Variants in ATP2B2 observed in about 807,000 individuals in gnomAD.
ATP2B2 encodes the protein plasma membrane calcium-transporting ATPase 2.
ATP2B2 carries 15 observed loss-of-function variants against 120.0 expected under a neutral mutation model. The ratio of observed to expected loss-of-function variants is 0.12; its 90% CI spans 0.08 to 0.19. The LOEUF (loss-of-function observed/expected upper bound fraction) is 0.19. Among genes scored for constraint, ATP2B2 ranks in the 10% least tolerant of loss-of-function variants. The pLI is 1.00. For missense variants in ATP2B2, 1,045 were observed against 1,719.8 expected (o/e 0.61, Z 6.94); for synonymous variants, 694 against 700.3 (o/e 0.99, Z 0.14).
chr3:10,326,733 C>A lies in ATP2B2; in HGVS notation c.*2081G>T, dbSNP rs997349798. On this transcript the variant is annotated 3_prime_UTR_variant, in exon 23 of 23. Transcript: ENST00000360273. Reference sequence around the variant, plus strand: ...ACTTCTTCACGACATTCAGGTGATGCGCTCTTGAAGGTCCTCCTTCCAGGA... The same window carrying A: ...ACTTCTTCACGACATTCAGGTGATGAGCTCTTGAAGGTCCTCCTTCCAGGA... 12 of 398,926 alleles carry A rather than the reference C, an allele frequency of 3.0e-5. No individual in the cohort carries two copies. The highest frequency in any genetic ancestry group is 4.4e-5 in the Non-Finnish European group (10 of 226,076). 24.7% of individuals were successfully genotyped at this position (398,926 alleles called of 1,614,324 possible).
Position 10,695,719 on chromosome 3 carries a change from C to T in ATP2B2, c.-460+12196G>A, listed in dbSNP as rs142532135. On this transcript the variant is annotated intron_variant, in intron 1 of 21. Transcript: ENST00000646379. ...GCAGACTACAGACAAGTGAGAGAACCAGCCAGGACCAGAAGCATCATTTAG... is the reference window on the plus strand; with the variant it reads ...GCAGACTACAGACAAGTGAGAGAACTAGCCAGGACCAGAAGCATCATTTAG... 5.9e-5 allele frequency among the ~76,000 whole-genome samples: 9 copies of T among 152,310 alleles called. 1 individual carries two copies. The highest frequency in any genetic ancestry group is 2.2e-4 in the African/African-American group (9 of 41,578).
chr3:10,639,549 C>T (rs185066864), intron 1 of ATP2B2, among the ~76,000 whole-genome samples: 1 of 152,146 alleles, frequency 6.6e-6, no homozygotes, highest in African/African-American at 2.4e-5. Flanking sequence ...ACCTAATCAC[C>T]TCCCCAAGGC....
At chr3:10,640,369 A>C (rs999489748) in intron 1 of ATP2B2, among the ~76,000 whole-genome samples, 1 of 152,158 alleles carries the variant, frequency 6.6e-6, no homozygotes, top group African/African-American at 2.4e-5. Flanking sequence ...CACCTCTCTA[A>C]ATCGGCCTCT....
intron 1 of ATP2B2, among the ~76,000 whole-genome samples, chr3:10,685,563 A>G (rs556340921): frequency 3.3e-5 from 5 of 152,084 alleles, no homozygotes; most frequent in Non-Finnish European, 5.9e-5. Flanking sequence ...CCTGTGCAGG[A>G]CCACACACTC....
chr3:10,668,421 C>A (rs528082861), intron 1 of ATP2B2, among the ~76,000 whole-genome samples: 4 of 152,208 alleles, frequency 2.6e-5, no homozygotes, highest in Non-Finnish European at 5.9e-5. Context: ...ATGACAACAC[C>A]GGTAAAGAGA....
chr3:10,358,394 G>A (rs2060800261), intron 14 of ATP2B2, among the ~76,000 whole-genome samples: 1 of 152,214 alleles, frequency 6.6e-6, no homozygotes, highest in Non-Finnish European at 1.5e-5. Flanking sequence ...GTCCCTTGGG[G>A]GACCAGAGGG....
In ATP2B2 at chr3:10,385,248, G is replaced by A. The variant is rs769293113; in HGVS notation, c.1000+20C>T. The A allele has an allele frequency of 1.3e-5, 21 of 1,612,808 alleles. No homozygotes were observed. Among genetic ancestry groups the A allele is most frequent in the Non-Finnish European group, 1.8e-5 (21 of 1,179,260 alleles). On this transcript the variant is annotated intron_variant, in intron 8 of 22. Transcript: ENST00000360273. ...GACGCCCATCCAACCATGACCAGGAGCTCGCCGTGGGAGACATACCATTGA... is the reference window on the plus strand; with the variant it reads ...GACGCCCATCCAACCATGACCAGGAACTCGCCGTGGGAGACATACCATTGA...
chr3:10,577,438 G>A lies in ATP2B2; in HGVS notation c.-415+42479C>T, dbSNP rs890341027. On this transcript the variant is annotated intron_variant, in intron 2 of 21. Coordinates refer to the ATP2B2 transcript ENST00000646379. ...GGAGCAGAGCTGGTATAGGATCTCA[G>A]ACTTTTGGTGTCCTCTTCCTCAGCT... Among the ~76,000 whole-genome samples the A allele has an allele frequency of 6.6e-5, 10 of 152,198 alleles. 1 individual carries two copies. Among genetic ancestry groups the A allele is most frequent in the Admixed American group, 2.0e-4 (3 of 15,278 alleles).
intron 1 of ATP2B2, among the ~76,000 whole-genome samples, chr3:10,702,428 G>C (rs1215354919): frequency 6.6e-6 from 1 of 152,180 alleles, no homozygotes; most frequent in South Asian, 2.1e-4. Context: ...GCACTCTTAG[G>C]ATCGCTTTTA....
chr3:10,543,059 T>C (rs2067472712), intron 2 of ATP2B2, among the ~76,000 whole-genome samples: 1 of 152,232 alleles, frequency 6.6e-6, no homozygotes, highest in Non-Finnish European at 1.5e-5. Context: ...AGGTAGGTAG[T>C]TTCTATTGTT....
At chr3:10,369,579 T>C (rs934557935) in intron 12 of ATP2B2, among the ~76,000 whole-genome samples, 3 of 152,208 alleles carry the variant, frequency 2.0e-5, no homozygotes, top group Non-Finnish European at 2.9e-5. Context: ...AACCTCTGCA[T>C]TGCTACAAAT....
chr3:10,466,811 T>C (rs34872), intron 1 of ATP2B2, among the ~76,000 whole-genome samples: 90,852 of 152,154 alleles, frequency 0.6, 27,866 homozygotes, highest in East Asian at 0.73. Flanking sequence ...CCATTTCCAT[T>C]TCACAAGTAA....
At chr3:10,624,070 A>G (rs1166069904) in intron 1 of ATP2B2, among the ~76,000 whole-genome samples, 1 of 152,184 alleles carries the variant, frequency 6.6e-6, no homozygotes, top group Non-Finnish European at 1.5e-5. Flanking sequence ...TCCCCCTTGT[A>G]GATTTCACAA....
chr3:10,472,589 C>G (rs931771457), intron 1 of ATP2B2, among the ~76,000 whole-genome samples: 1 of 152,178 alleles, frequency 6.6e-6, no homozygotes, highest in African/African-American at 2.4e-5. Flanking sequence ...GCTGCTGACT[C>G]AAAATATTCT....
At chr3:10,594,402 T>C (rs899430156) in intron 2 of ATP2B2, among the ~76,000 whole-genome samples, 3 of 151,842 alleles carry the variant, frequency 2.0e-5, no homozygotes, top group African/African-American at 7.3e-5. Flanking sequence ...AAATGATGAG[T>C]TCATGTCCTT....
chr3:10,674,952 G>A (rs537480606), intron 1 of ATP2B2, among the ~76,000 whole-genome samples: 9 of 152,168 alleles, frequency 5.9e-5, no homozygotes, highest in Non-Finnish European at 8.8e-5. Flanking sequence ...TTTAGCTACC[G>A]TATCTCTTTA....
In ATP2B2 at chr3:10,346,187, A is replaced by G; in HGVS notation, c.2405-50T>C. 1 of 1,577,618 alleles carries G rather than the reference A, an allele frequency of 6.3e-7. No individual in the cohort carries two copies. Among genetic ancestry groups the G allele is most frequent in the Non-Finnish European group, 8.6e-7 (1 of 1,157,482 alleles). ...GCCCTGGGCCACTCAGGTGGGAGGC[A>G]GCCTGGGCCAGCCCTGGTCCTCGGG... On this transcript the variant is annotated intron_variant, in intron 16 of 22. Transcript: ENST00000360273. The surrounding 1 kb of genome is among the most constrained non-coding windows in gnomAD (Gnocchi z 4.1).
At chr3:10,585,995 T>G (rs1443315345) in intron 2 of ATP2B2, among the ~76,000 whole-genome samples, 2 of 152,232 alleles carry the variant, frequency 1.3e-5, no homozygotes, top group Non-Finnish European at 2.9e-5. Flanking sequence ...AGGTTTTCAA[T>G]AACAGTTTCT....
intron 1 of ATP2B2, among the ~76,000 whole-genome samples, chr3:10,690,203 G>C (rs188710751): frequency 3.5e-4 from 53 of 152,320 alleles, no homozygotes; most frequent in East Asian, 2.1e-3. Context: ...CTTGACATAG[G>C]GGGGGACAAA....
Sources: gnomAD v4.1 joint callset for allele counts (sites outside exome capture counted in the v4.1 genomes callset) on GRCh38, gnomAD v4.1.1 for gene constraint, Gnocchi (gnomAD v3.1) non-coding constraint, MANE v1.5 for transcripts, NCBI Gene and HGNC (gene_info 2026-07-23, HGNC 2026-07-21) for gene names.